Variants in SUCLG2 observed in about 807,000 individuals in gnomAD.
SUCLG2 encodes succinate-CoA ligase GDP-forming subunit beta.
SUCLG2 carries 42 observed loss-of-function variants against 47.9 expected under a neutral mutation model. That is an observed-to-expected ratio of 0.88 (90% CI 0.69 to 1.14). SUCLG2 has a LOEUF of 1.14. Among genes scored for constraint, SUCLG2 ranks in the 50% most tolerant of loss-of-function variants. The pLI, the probability that SUCLG2 is intolerant of heterozygous loss-of-function variation, is 0.00. For synonymous variants in SUCLG2, 195 were observed against 197.3 expected, an observed-to-expected ratio of 0.99 and a Z score of 0.10; for missense variants, 571 against 525.9, an observed-to-expected ratio of 1.09 and a Z score of -0.84.
intron 2 of SUCLG2, among the ~76,000 whole-genome samples, chr3:67,588,377 A>G (rs760971098): frequency 3.3e-5 from 5 of 152,208 alleles, no homozygotes; most frequent in Non-Finnish European, 7.3e-5. Context: ...ACTCCTATCC[A>G]TAAGAAAGTA....
chr3:67,489,504 C>T (rs757090049), intron 9 of SUCLG2, among the ~76,000 whole-genome samples: 10 of 152,086 alleles, frequency 6.6e-5, no homozygotes, highest in Non-Finnish European at 1.3e-4. Context: ...GAATGGCTGC[C>T]TGGAATTTTA....
At chr3:67,362,893 C>A (rs1701824969) in intron 10 of SUCLG2, among the ~76,000 whole-genome samples, 1 of 152,188 alleles carries the variant, frequency 6.6e-6, no homozygotes, top group African/African-American at 2.4e-5. Context: ...CTGCTTGCCT[C>A]TGAGTGAGAT....
At chr3:67,596,241 TC>T (rs1559588599) in intron 2 of SUCLG2, among the ~76,000 whole-genome samples, 1 of 152,126 alleles carries the variant, frequency 6.6e-6, no homozygotes, top group Non-Finnish European at 1.5e-5. Flanking sequence ...ACCTCTCTCT[TC>T]CCCTCAACAC....
intron 9 of SUCLG2, among the ~76,000 whole-genome samples, chr3:67,413,346 T>A (rs1221786601): frequency 6.6e-6 from 1 of 152,202 alleles, no homozygotes; most frequent in Non-Finnish European, 1.5e-5. Context: ...TTCAGCATGA[T>A]GAAAGATGGG....
chr3:67,394,121 T>G (rs1702464776), intron 10 of SUCLG2, among the ~76,000 whole-genome samples: 1 of 152,062 alleles, frequency 6.6e-6, no homozygotes, highest in African/African-American at 2.4e-5. Context: ...GCACCTCTCC[T>G]CCTCCAAAGG....
At position 67,444,286 on chromosome 3, in the gene SUCLG2, G is replaced by T. The variant is rs1219126095; in HGVS notation, c.1063-43435C>A. Among the ~76,000 whole-genome samples the T allele has an allele frequency of 6.5e-3, 502 of 77,302 alleles. 20 individuals carry two copies. Among genetic ancestry groups the T allele is most frequent in the South Asian group, 0.01 (16 of 1,566 alleles). 50.7% of individuals were successfully genotyped at this position (77,302 alleles called of 152,430 possible). On this transcript the variant is annotated intron_variant, in intron 9 of 10. Coordinates refer to ENST00000307227, the MANE Select transcript of SUCLG2 (RefSeq NM_003848.4). ...AGCCACCCCGTCCAGGAGGGAGATGGGGGGGTCAGCCCTCCCACCCGGCCA... is the reference window on the plus strand; with the variant it reads ...AGCCACCCCGTCCAGGAGGGAGATGTGGGGGTCAGCCCTCCCACCCGGCCA...
Position 67,634,362 on chromosome 3 carries a change from T to C in SUCLG2, c.84+20141A>G, listed in dbSNP as rs536792625. 2.1e-3 allele frequency among the ~76,000 whole-genome samples: 317 copies of C among 152,260 alleles called. 3 individuals are homozygous for C. Among genetic ancestry groups the C allele is most frequent in the African/African-American group, 7.3e-3 (304 of 41,564 alleles). ...CTTTGGGAGGCCGAGGCAGGAGGAT[T>C]GCTTGAGCAAGACCCACTCTCAATT... On this transcript the variant is annotated intron_variant, in intron 1 of 10. Transcript: ENST00000307227.
At chr3:67,470,425 T>C (rs747436666) in intron 9 of SUCLG2, among the ~76,000 whole-genome samples, 22 of 152,236 alleles carry the variant, frequency 1.4e-4, no homozygotes, top group Non-Finnish European at 3.2e-4. Context: ...ATGGTTTGAA[T>C]GTCTCCTCCC....
chr3:67,632,487 GCTCATTTTTTAA>G (rs1214972804), intron 1 of SUCLG2, among the ~76,000 whole-genome samples: 1 of 151,984 alleles, frequency 6.6e-6, no homozygotes, highest in Non-Finnish European at 1.5e-5. Flanking sequence ...CTGGCCCAAA[GCTCATTTTTTAA>G]TGAGCATCTA....
At chr3:67,521,881 A>G (rs1706118857) in intron 4 of SUCLG2, among the ~76,000 whole-genome samples, 1 of 151,996 alleles carries the variant, frequency 6.6e-6, no homozygotes, top group African/African-American at 2.4e-5. Flanking sequence ...AGCCTACCAA[A>G]CTGCTGGGAT....
intron 9 of SUCLG2, among the ~76,000 whole-genome samples, chr3:67,476,158 A>T (rs1223396351): frequency 2.0e-5 from 3 of 152,056 alleles, no homozygotes; most frequent in Non-Finnish European, 4.4e-5. Context: ...CATGTTATAC[A>T]GCTGTCCCTA....
rs140672439 is a variant in SUCLG2, at chr3:67,641,942, C to A, written c.84+12561G>T. On this transcript the variant is annotated intron_variant, in intron 1 of 10. Coordinates refer to ENST00000307227, the MANE Select transcript of SUCLG2 (RefSeq NM_003848.4). ...AAAAGCATCACTACTTTCATCTTCA[C>A]ATGGCTTTCTCCCTGGGCGTGTGTG... Among the ~76,000 whole-genome samples the A allele has an allele frequency of 2.3e-3, 346 of 152,330 alleles. 2 individuals carry two copies. Among genetic ancestry groups the A allele is most frequent in the African/African-American group, 7.9e-3 (330 of 41,570 alleles).
At chr3:67,599,398 G>C (rs778828767) in intron 2 of SUCLG2, among the ~76,000 whole-genome samples, 1 of 152,214 alleles carries the variant, frequency 6.6e-6, no homozygotes, top group Non-Finnish European at 1.5e-5. Flanking sequence ...ACAGCTGACT[G>C]TGTATGCCAC....
intron 9 of SUCLG2, among the ~76,000 whole-genome samples, chr3:67,467,577 TCC>T (rs1704505129): frequency 6.6e-6 from 1 of 152,202 alleles, no homozygotes; most frequent in African/African-American, 2.4e-5. Flanking sequence ...GGATAGGATA[TCC>T]TTTAAAGAGA....
chr3:67,375,322 T>C lies in SUCLG2; in HGVS notation c.*422A>G, dbSNP rs572337780. 402 of 976,736 alleles carry C rather than the reference T, an allele frequency of 4.1e-4. 2 individuals carry two copies. The African/African-American group carries it at 6.6e-3, about 16-fold the overall frequency. 60.5% of individuals were successfully genotyped at this position (976,736 alleles called of 1,614,324 possible). A position where few individuals can be genotyped will look rare whatever the true frequency, so the allele number is the denominator to read the frequency against. On this transcript the variant is annotated 3_prime_UTR_variant, in exon 11 of 11. Transcript: ENST00000307227. ...AATCTTATGCCTTTTTAGTAATTAA[T>C]ATATTAAATATAATCTTGTCTGAGT...
intron 9 of SUCLG2, among the ~76,000 whole-genome samples, chr3:67,466,643 T>C (rs6769487): frequency 0.022 from 3,337 of 152,290 alleles, 134 homozygotes; most frequent in African/African-American, 0.075. Flanking sequence ...ACACTGAAGT[T>C]TGTCGCTATC....
At chr3:67,418,003 A>G (rs116495951) in intron 9 of SUCLG2, among the ~76,000 whole-genome samples, 3,326 of 152,300 alleles carry the variant, frequency 0.022, 127 homozygotes, top group African/African-American at 0.074. Flanking sequence ...TAAGATACAA[A>G]GATAAATAAT....
At chr3:67,587,171 C>A (rs1708045627) in intron 2 of SUCLG2, among the ~76,000 whole-genome samples, 1 of 152,176 alleles carries the variant, frequency 6.6e-6, no homozygotes, top group Admixed American at 6.5e-5. Flanking sequence ...ATGATTACGT[C>A]TCCTAGCTTC....
In SUCLG2 at chr3:67,630,625, G is replaced by A. The variant is rs115456035; in HGVS notation, c.85-21029C>T. On this transcript the variant is annotated intron_variant, in intron 1 of 10. Transcript: ENST00000307227. ...GCTCGCAAGGCACTCCTAGTCGCAA[G>A]GATTAAAGATGCCCAGCACTTGTAC... Among the ~76,000 whole-genome samples the A allele has an allele frequency of 5.0e-3, 764 of 152,296 alleles. 10 individuals are homozygous for A. Among genetic ancestry groups the A allele is most frequent in the African/African-American group, 0.017 (715 of 41,564 alleles).
Sources: allele counts gnomAD v4.1 joint callset (sites outside exome capture counted in the v4.1 genomes callset), GRCh38; gene constraint gnomAD v4.1.1; transcripts MANE v1.5; gene names NCBI Gene and HGNC (gene_info 2026-07-23, HGNC 2026-07-21).